The following EXOC4 variants were observed in gnomAD, a reference collection of about 807,000 sequenced individuals.
EXOC4 encodes SEC8-like 1.
EXOC4 carries 71 observed loss-of-function variants against 107.2 expected under a neutral mutation model. That is an observed-to-expected ratio of 0.66 (90% CI 0.55 to 0.81). The LOEUF is 0.81. EXOC4 is among the 30% of genes least tolerant of loss of function. The pLI is 0.00. For synonymous variants in EXOC4, 456 were observed against 441.2 expected, an observed-to-expected ratio of 1.03 and a Z score of -0.42; for missense variants, 1,108 against 1,189.6, an observed-to-expected ratio of 0.93 and a Z score of 1.01.
At chr7:133,663,762 G>T (rs1793750643) in intron 10 of EXOC4, among the ~76,000 whole-genome samples, 1 of 152,106 alleles carries the variant, frequency 6.6e-6, no homozygotes, top group Non-Finnish European at 1.5e-5. Context: ...AACATCTCTT[G>T]CCTGGATTAG....
chr7:133,438,450 GACATTAGTT>G (rs1358924115), intron 7 of EXOC4, among the ~76,000 whole-genome samples: 1 of 151,926 alleles, frequency 6.6e-6, no homozygotes, highest in Non-Finnish European at 1.5e-5. Context: ...TAAATATTAT[GACATTAGTT>G]TCTTCCTTTC....
At chr7:133,712,203 G>A (rs946034495) in intron 10 of EXOC4, among the ~76,000 whole-genome samples, 5 of 152,080 alleles carry the variant, frequency 3.3e-5, no homozygotes. Flanking sequence ...ACTCTGGGAG[G>A]CCGAGGTGGG....
intron 10 of EXOC4, among the ~76,000 whole-genome samples, chr7:133,810,693 C>T (rs1563007862): frequency 2.0e-5 from 3 of 150,924 alleles, no homozygotes; most frequent in Non-Finnish European, 4.4e-5. Flanking sequence ...AGTGCAGTGG[C>T]ACAATCTTGG....
intron 10 of EXOC4, among the ~76,000 whole-genome samples, chr7:133,776,473 A>G (rs10276313): frequency 0.86 from 131,157 of 152,116 alleles, 56,703 homozygotes; most frequent in East Asian, 0.99. Context: ...CTTTATGTGG[A>G]AAAAGGGTCT....
chr7:133,679,046 CT>C (rs1399977497), intron 10 of EXOC4, among the ~76,000 whole-genome samples: 4 of 152,012 alleles, frequency 2.6e-5, no homozygotes, highest in African/African-American at 9.7e-5. Context: ...GTCATAACTT[CT>C]GTTTTGTTAA....
intron 10 of EXOC4, among the ~76,000 whole-genome samples, chr7:133,742,752 A>G (rs769266945): frequency 3.3e-5 from 5 of 152,168 alleles, no homozygotes; most frequent in Non-Finnish European, 7.3e-5. Flanking sequence ...AGCAGCATTT[A>G]AAAGGGAACA....
At chr7:133,698,123 A>AT (rs1346970000) in intron 10 of EXOC4, among the ~76,000 whole-genome samples, 1 of 150,884 alleles carries the variant, frequency 6.6e-6, no homozygotes, top group Non-Finnish European at 1.5e-5. Flanking sequence ...TTTATGAAAA[A>AT]AAATTATGTT....
chr7:133,482,669 T>G (rs933238089), intron 9 of EXOC4, among the ~76,000 whole-genome samples: 1 of 152,142 alleles, frequency 6.6e-6, no homozygotes, highest in Non-Finnish European at 1.5e-5. Flanking sequence ...CTCTTTTTCC[T>G]TTTCTCTAAA....
the EXOC4 span, among the ~76,000 whole-genome samples, chr7:134,083,229 G>A: frequency 5.9e-5 from 9 of 152,090 alleles, no homozygotes; most frequent in Admixed American, 3.3e-4. Flanking sequence ...GCACCTAGGA[G>A]CCCCATCAAG....
intron 10 of EXOC4, among the ~76,000 whole-genome samples, chr7:133,743,411 C>T (rs1388837712): frequency 6.6e-6 from 1 of 152,132 alleles, no homozygotes; most frequent in Non-Finnish European, 1.5e-5. Flanking sequence ...AGGGGCTTTG[C>T]ATGATGGCAT....
At chr7:133,353,171 C>T (rs1191651842) in intron 5 of EXOC4, among the ~76,000 whole-genome samples, 4 of 151,986 alleles carry the variant, frequency 2.6e-5, no homozygotes, top group Non-Finnish European at 5.9e-5. Context: ...AAATAATTGT[C>T]TTGTTGTAAC....
At chr7:134,051,128 C>T (rs543530745) in intron 17 of EXOC4, among the ~76,000 whole-genome samples, 6 of 152,244 alleles carry the variant, frequency 3.9e-5, no homozygotes, top group Middle Eastern at 6.8e-3. Flanking sequence ...CTAGGGAGGC[C>T]ACCTGACAAG....
intron 10 of EXOC4, among the ~76,000 whole-genome samples, chr7:133,651,871 G>C (rs1803163374): frequency 6.6e-6 from 1 of 152,104 alleles, no homozygotes; most frequent in Non-Finnish European, 1.5e-5. Context: ...TTTTAGTAGA[G>C]ATGGGGTTTT....
intron 7 of EXOC4, among the ~76,000 whole-genome samples, chr7:133,467,146 ATTCT>A (rs1298763029): frequency 6.6e-6 from 1 of 151,868 alleles, no homozygotes; most frequent in Non-Finnish European, 1.5e-5. Flanking sequence ...TTTTTCATGC[ATTCT>A]TAATTATTGT....
intron 9 of EXOC4, among the ~76,000 whole-genome samples, chr7:133,535,066 C>T (rs1800247940): frequency 6.6e-6 from 1 of 152,070 alleles, no homozygotes; most frequent in Non-Finnish European, 1.5e-5. Context: ...TGTGTGAGCA[C>T]GTGGAAGAAC....
chr7:133,997,433 T>C, intron 14 of EXOC4, 59 bp from the exon 15 acceptor site: 1 of 1,597,982 alleles, frequency 6.3e-7, no homozygotes, highest in Non-Finnish European at 8.6e-7. Context: ...TAATATGTCA[T>C]TTCAGAAAAA....
chr7:134,063,965 C>G (rs1425653537), intron 17 of EXOC4, among the ~76,000 whole-genome samples: 1 of 152,150 alleles, frequency 6.6e-6, no homozygotes, highest in Non-Finnish European at 1.5e-5. Context: ...TCTCCTTCTT[C>G]AGGCTATACC....
intron 14 of EXOC4, among the ~76,000 whole-genome samples, chr7:133,970,263 G>T (rs1801172464): frequency 6.6e-6 from 1 of 152,140 alleles, no homozygotes. Context: ...CAAGCTAGTG[G>T]ATCTTAGCTT....
chr7:133,575,914 T>C (rs886094145), intron 9 of EXOC4, among the ~76,000 whole-genome samples: 1 of 152,170 alleles, frequency 6.6e-6, no homozygotes, highest in Admixed American at 6.5e-5. Flanking sequence ...GTTGACAGAT[T>C]ATATCTGAAA....
Sources: gnomAD v4.1 joint callset for allele counts (sites outside exome capture counted in the v4.1 genomes callset) on GRCh38, gnomAD v4.1.1 for gene constraint, MANE v1.5 for transcripts, NCBI Gene and HGNC (gene_info 2026-07-23, HGNC 2026-07-21) for gene names.